JAK2: variants seen among roughly 807,000 people sequenced by gnomAD.
The protein encoded by JAK2 is Janus kinase 2, also known as tyrosine-protein kinase JAK2.
In JAK2, 86 loss-of-function variants were observed where a neutral mutation model predicts 139.3. The ratio of observed to expected loss-of-function variants is 0.62; its 90% confidence interval spans 0.52 to 0.74. The LOEUF is 0.74. Ranked by LOEUF, JAK2 falls within the 30% of genes least tolerant of loss-of-function variation. JAK2 has a pLI of 0.00. For synonymous variants in JAK2, 490 were observed against 437.7 expected (o/e 1.12, Z -1.49); for missense variants, 1,421 against 1,360.3 (o/e 1.04, Z -0.70).
chr9:4,985,812 C>CT, intron 1 of JAK2, 128 bp from the exon 2 acceptor site: 1 of 152,492 alleles, frequency 6.6e-6, no homozygotes, highest in Non-Finnish European at 1.5e-5. Context: ...CCATTTGTGT[C>CT]TTATAATTCC....
chr9:5,077,974 T>C (rs911763384), intron 15 of JAK2, among the ~76,000 whole-genome samples: 5 of 152,190 alleles, frequency 3.3e-5, no homozygotes, highest in Non-Finnish European at 7.4e-5. Flanking sequence ...CCCCTCAGGG[T>C]GCACCTATGT....
chr9:5,090,191 C>G (rs140690797), intron 20 of JAK2, among the ~76,000 whole-genome samples: 1 of 152,282 alleles, frequency 6.6e-6, no homozygotes, highest in African/African-American at 2.4e-5. Context: ...AGGAAGTTTT[C>G]TCATCAGTTT....
At chr9:5,063,492 C>T (rs979174954) in intron 8 of JAK2, among the ~76,000 whole-genome samples, 1 of 152,104 alleles carries the variant, frequency 6.6e-6, no homozygotes, top group African/African-American at 2.4e-5. Flanking sequence ...ACTATGTTTT[C>T]ATCTCTCTTA....
chr9:5,032,048 G>C (rs570591129), intron 4 of JAK2, among the ~76,000 whole-genome samples: 24 of 152,260 alleles, frequency 1.6e-4, no homozygotes, highest in African/African-American at 5.5e-4. Flanking sequence ...GGAAAATCGG[G>C]TCACTCCCAC....
At chr9:5,050,433 G>C (rs796448539) in intron 5 of JAK2, among the ~76,000 whole-genome samples, 3 of 152,182 alleles carry the variant, frequency 2.0e-5, no homozygotes, top group African/African-American at 7.2e-5. Flanking sequence ...ACCATGCCTG[G>C]ATAATTTTTA....
At position 5,093,123 on chromosome 9, in the gene JAK2, A is replaced by C. The variant is rs143166195; in HGVS notation, c.3059+2212A>C. Among the ~76,000 whole-genome samples the C allele has an allele frequency of 3.9e-5, 6 of 152,330 alleles. No homozygotes were observed. In the East Asian group the frequency reaches 7.7e-4, roughly 20 times the overall value. ...ATAACATGAAAATATTCTCCACCGC[A>C]TAAGCTTACATAAGACTGGAATAAC... is the stretch of plus-strand genomic sequence containing the variant. On this transcript the variant is annotated intron_variant, in intron 22 of 24. Coordinates refer to ENST00000381652, the MANE Select transcript of JAK2 (RefSeq NM_004972.4).
Position 5,069,999 on chromosome 9 carries a change from A to G in JAK2, c.1588A>G (p.Thr530Ala). The part of the protein sequence containing the change: ...VPTSPTLQRP[T>A]HMNQMVFHKI... Reference sequence around the variant, plus strand: ...AACCTCACCAACATTACAGAGGCCTACTCATATGAACCAAATGGTGTTTCA... The same window carrying G: ...AACCTCACCAACATTACAGAGGCCTGCTCATATGAACCAAATGGTGTTTCA... Residue 530 changes from threonine (T) to alanine (A), a missense_variant, in exon 12 of 25, where the codon ACT becomes GCT. Coordinates refer to ENST00000381652, the MANE Select transcript of JAK2 (RefSeq NM_004972.4). The G allele has an allele frequency of 6.2e-7, 1 of 1,608,078 alleles. No homozygotes were observed.
Position 5,030,369 on chromosome 9 carries a change from A to G in JAK2, c.350+463A>G, listed in dbSNP as rs180705288. On this transcript the variant is annotated intron_variant, in intron 4 of 24. Coordinates refer to ENST00000381652, the MANE Select transcript of JAK2 (RefSeq NM_004972.4). ...AAGTTAATTTATATAATTTATGGTA[A>G]TGTGTAATGCCTATTTAGAGAAATC... Among the ~76,000 whole-genome samples, 10 of 152,240 alleles carry G rather than the reference A, an allele frequency of 6.6e-5. No individual in the cohort carries two copies. The East Asian group carries it at 1.7e-3, about 26-fold the overall frequency.
rs371091874 is a variant in JAK2, at chr9:5,104,465, G to A, written c.3059+13554G>A. ...TCCAGGACCAGATGGACTCACAGCC[G>A]AATTCTCCTAGAGGTACAAAGAGGA... On this transcript the variant is annotated intron_variant, in intron 22 of 24. Coordinates refer to ENST00000381652, the MANE Select transcript of JAK2 (RefSeq NM_004972.4). Among the ~76,000 whole-genome samples the A allele has an allele frequency of 2.4e-4, 36 of 152,234 alleles. 1 individual carries two copies. The South Asian group carries it at 6.9e-3, about 29-fold the overall frequency.
At chr9:5,120,373 G>C (rs1823523785) in intron 22 of JAK2, among the ~76,000 whole-genome samples, 1 of 152,184 alleles carries the variant, frequency 6.6e-6, no homozygotes, top group Admixed American at 6.5e-5. Context: ...CACTAAATCT[G>C]AAGTCTGAAA....
chr9:5,109,788 G>C (rs1822286372), intron 22 of JAK2: 2 of 152,092 alleles, frequency 1.3e-5, no homozygotes, highest in Middle Eastern at 3.2e-3. Flanking sequence ...TTCTCAATAT[G>C]ATATATAAAC....
At position 5,119,795 on chromosome 9, in the gene JAK2, TAATG is replaced by T. The variant is rs751066762; in HGVS notation, c.3060-3206_3060-3203del. Among the ~76,000 whole-genome samples, 8 of 152,184 alleles carry T rather than the reference TAATG, an allele frequency of 5.3e-5. 1 individual carries two copies. The highest frequency in any genetic ancestry group is 1.2e-4 in the Non-Finnish European group (8 of 68,014). On this transcript the variant is annotated intron_variant, in intron 22 of 24. Transcript: ENST00000381652. ...CATGATCAAAATTTTCATATGTACT[TAATG>T]AACACAAAAAATATATACTGCTAAA... is the stretch of plus-strand genomic sequence containing the variant.
chr9:5,047,087 A>G (rs1032164226), intron 5 of JAK2, among the ~76,000 whole-genome samples: 1 of 152,164 alleles, frequency 6.6e-6, no homozygotes. Flanking sequence ...AATTATGTCT[A>G]GATAGTACCA....
chr9:5,112,059 C>A, intron 22 of JAK2: 1 of 404,808 alleles, frequency 2.5e-6, no homozygotes, highest in Non-Finnish European at 4.9e-6. Flanking sequence ...CGACGGGGGT[C>A]TCCACGGCCT....
Position 5,080,359 on chromosome 9 carries a change from A to G in JAK2, c.2262A>G (p.Leu754=), listed in dbSNP as rs1275052771. ...TCTGCAGTGGAGGAGATAAACCTCT[A>G]AGTGCTCTGGATTCTCAAAGAGTAA... ...WEICSGGDKP[L]SALDSQRKLQ... The change falls in exon 17 of 25, where the codon CTA becomes CTG. Residue 754 remains leucine, a synonymous_variant. Transcript: ENST00000381652. The G allele has an allele frequency of 1.2e-6, 2 of 1,613,362 alleles. No individual in the cohort carries two copies. Among genetic ancestry groups the G allele is most frequent in the South Asian group, 1.1e-5 (1 of 90,992 alleles).
At chr9:5,017,874 C>T (rs186281485) in intron 2 of JAK2, among the ~76,000 whole-genome samples, 1 of 152,260 alleles carries the variant, frequency 6.6e-6, no homozygotes, top group African/African-American at 2.4e-5. Flanking sequence ...ATCCCTTTAT[C>T]ATTCTAGAAT....
rs761686298 is a variant in JAK2, at chr9:5,129,374, A to G, written c.*2583A>G. Among the ~76,000 whole-genome samples the G allele has an allele frequency of 1.4e-4, 22 of 152,114 alleles. No individual in the cohort carries two copies. Among genetic ancestry groups the G allele is most frequent in the Non-Finnish European group, 2.6e-4 (18 of 67,960 alleles). ...GGGATGTTGTGATAGCTTACCTTCC[A>G]GTTTTTAAGAAATGCTTCCTACAAC... On this transcript the variant is annotated 3_prime_UTR_variant, in exon 25 of 25. Transcript: ENST00000381652.
chr9:5,027,606 A>G (rs1434990130), intron 3 of JAK2, among the ~76,000 whole-genome samples: 1 of 152,200 alleles, frequency 6.6e-6, no homozygotes, highest in Non-Finnish European at 1.5e-5. Context: ...TGTAGTATGC[A>G]ATGCTATTTG....
At chr9:5,044,795 G>C (rs749238789) in intron 5 of JAK2, among the ~76,000 whole-genome samples, 1 of 152,138 alleles carries the variant, frequency 6.6e-6, no homozygotes, top group Non-Finnish European at 1.5e-5. Flanking sequence ...ATTTCGCAAA[G>C]TATAGACTGA....
Sources: allele counts gnomAD v4.1 joint callset (sites outside exome capture counted in the v4.1 genomes callset), GRCh38; gene constraint gnomAD v4.1.1; transcripts MANE v1.5; gene names NCBI Gene and HGNC (gene_info 2026-07-23, HGNC 2026-07-21).